KATNIP: variants seen among roughly 807,000 people sequenced by gnomAD.
KATNIP encodes katanin interacting protein, also known as katanin-interacting protein.
Under a neutral mutation model 174.0 loss-of-function variants are expected in KATNIP, and 126 were observed. That is an observed-to-expected ratio of 0.72 (90% confidence interval 0.63 to 0.84). The LOEUF (loss-of-function observed/expected upper bound fraction) is 0.84, where lower values mean the gene tolerates loss of function less well. KATNIP is among the 40% of genes least tolerant of loss of function. KATNIP has a pLI of 0.00. For missense variants in KATNIP, 1,958 were observed against 2,109.7 expected (o/e 0.93, Z 1.41); for synonymous variants, 810 against 835.7 (o/e 0.97, Z 0.53).
chr16:27,623,544 C>G (rs1354294105), intron 3 of KATNIP, among the ~76,000 whole-genome samples: 1 of 152,140 alleles, frequency 6.6e-6, no homozygotes, highest in Non-Finnish European at 1.5e-5. Flanking sequence ...ACTGCACTCT[C>G]CAACCCCTGG....
intron 6 of KATNIP, among the ~76,000 whole-genome samples, chr16:27,667,395 T>TA (rs1023715831): frequency 4.6e-5 from 7 of 151,926 alleles, no homozygotes; most frequent in Admixed American, 1.3e-4. Context: ...CAGTGCTGGG[T>TA]AAAAAGCCTT....
intron 1 of KATNIP, among the ~76,000 whole-genome samples, chr16:27,551,282 C>A (rs914029351): frequency 2.0e-5 from 3 of 152,148 alleles, no homozygotes; most frequent in Non-Finnish European, 4.4e-5. Flanking sequence ...CTGGGGAATC[C>A]ACATTCTTTT....
chr16:27,666,331 C>T (rs1055336874), intron 6 of KATNIP, among the ~76,000 whole-genome samples: 1 of 152,202 alleles, frequency 6.6e-6, no homozygotes, highest in Admixed American at 6.5e-5. Flanking sequence ...GTATTTAAAA[C>T]ACATGTATAA....
intron 15 of KATNIP, 142 bp downstream of exon 15, chr16:27,741,062 T>C (rs1265930414): frequency 1.2e-6 from 1 of 842,882 alleles, no homozygotes; most frequent in East Asian, 2.7e-5. Flanking sequence ...AAAATCACTG[T>C]CTCAGGGGCC....
rs1313135164 is a variant in KATNIP, at chr16:27,649,586, G to A, written c.540+851G>A. Among the ~76,000 whole-genome samples the A allele has an allele frequency of 1.3e-5, 2 of 152,182 alleles. 1 individual carries two copies. ...GCTCACTGCAGCCTTGAACTCCTGG[G>A]CTCAAGCCATCCTCTCACCCCAGCT... On this transcript the variant is annotated intron_variant, in intron 6 of 27. Coordinates refer to ENST00000261588, the MANE Select transcript of KATNIP (RefSeq NM_015202.5).
intron 18 of KATNIP, among the ~76,000 whole-genome samples, chr16:27,758,465 A>G (rs2081818423): frequency 6.6e-6 from 1 of 151,994 alleles, no homozygotes; most frequent in Non-Finnish European, 1.5e-5. Flanking sequence ...ATAAAATCCA[A>G]CTGATGGGAG....
chr16:27,632,468 A>T (rs928061867), intron 5 of KATNIP: 14 of 393,770 alleles, frequency 3.6e-5, no homozygotes, highest in Non-Finnish European at 5.3e-5. Context: ...CTCTCCATGG[A>T]TCCCATCGTC....
chr16:27,711,131 C>T (rs185181561), intron 13 of KATNIP, among the ~76,000 whole-genome samples: 32 of 152,272 alleles, frequency 2.1e-4, no homozygotes, highest in African/African-American at 6.7e-4. Flanking sequence ...CTCACTGCCA[C>T]GCAGGCCAGG....
intron 1 of KATNIP, among the ~76,000 whole-genome samples, chr16:27,554,043 AAAGAAGGGAGGGATGG>A (rs1387064498): frequency 2.7e-5 from 4 of 149,898 alleles, no homozygotes; most frequent in Non-Finnish European, 3.0e-5. Flanking sequence ...AGGAAGGAGG[AAAGAAGGGAGGGATGG>A]AAGAAGGGAG....
At chr16:27,570,742 G>T (rs2090258847) in intron 1 of KATNIP, among the ~76,000 whole-genome samples, 1 of 152,108 alleles carries the variant, frequency 6.6e-6, no homozygotes, top group Admixed American at 6.6e-5. Flanking sequence ...TCGCCACCGT[G>T]AAGTCATCTC....
intron 19 of KATNIP, among the ~76,000 whole-genome samples, chr16:27,766,007 G>T (rs1232980174): frequency 6.6e-6 from 1 of 151,446 alleles, no homozygotes; most frequent in East Asian, 1.9e-4. Flanking sequence ...CTGGGCTAAA[G>T]GATTCTGAAA....
At chr16:27,586,532 C>T (rs1208877017) in intron 2 of KATNIP, among the ~76,000 whole-genome samples, 1 of 149,478 alleles carries the variant, frequency 6.7e-6, no homozygotes. Context: ...TAATTCAAAA[C>T]AAAAACTGAA....
intron 6 of KATNIP, among the ~76,000 whole-genome samples, chr16:27,656,375 G>A (rs1418982096): frequency 6.8e-6 from 1 of 147,052 alleles, no homozygotes; most frequent in East Asian, 2.0e-4. Context: ...CTGTGATCAT[G>A]GCACTACACT....
chr16:27,665,126 G>GTT (rs747868707), intron 6 of KATNIP, among the ~76,000 whole-genome samples: 18 of 138,208 alleles, frequency 1.3e-4, no homozygotes, highest in Non-Finnish European at 2.1e-4. Flanking sequence ...TCCGGAGGTT[G>GTT]TTTTTTTTTT....
At chr16:27,585,084 G>A (rs2141819051) in intron 2 of KATNIP, among the ~76,000 whole-genome samples, 1 of 152,280 alleles carries the variant, frequency 6.6e-6, no homozygotes, top group South Asian at 2.1e-4. Context: ...CTGGGCAGAG[G>A]CAATGACTGC....
At chr16:27,565,151 G>A (rs915300591) in intron 1 of KATNIP, among the ~76,000 whole-genome samples, 2 of 151,564 alleles carry the variant, frequency 1.3e-5, no homozygotes, top group Non-Finnish European at 2.9e-5. Flanking sequence ...CCTCAAAACG[G>A]GTCCATGGCA....
chr16:27,572,739 G>T (rs559644466), intron 1 of KATNIP, among the ~76,000 whole-genome samples: 2 of 152,260 alleles, frequency 1.3e-5, no homozygotes, highest in South Asian at 4.1e-4. Context: ...GCAGTTTAGG[G>T]TATCATTATG....
intron 5 of KATNIP, among the ~76,000 whole-genome samples, chr16:27,635,750 C>G (rs971566918): frequency 6.6e-6 from 1 of 152,170 alleles, no homozygotes; most frequent in Non-Finnish European, 1.5e-5. Flanking sequence ...AAGTTAACCA[C>G]TTGAAGCCTG....
At chr16:27,742,431 G>T (rs2081145242) in intron 15 of KATNIP, among the ~76,000 whole-genome samples, 1 of 152,206 alleles carries the variant, frequency 6.6e-6, no homozygotes, top group South Asian at 2.1e-4. Flanking sequence ...TTCACCACTA[G>T]CTTGGACGAG....
Sources: allele counts gnomAD v4.1 joint callset (sites outside exome capture counted in the v4.1 genomes callset), GRCh38; gene constraint gnomAD v4.1.1; transcripts MANE v1.5; gene names NCBI Gene and HGNC (gene_info 2026-07-23, HGNC 2026-07-21).